FCHO2: variants seen among roughly 807,000 people sequenced by gnomAD.
FCHO2 encodes the protein FCH and mu domain containing endocytic adaptor 2.
In FCHO2, 43 loss-of-function variants were observed where a neutral mutation model predicts 114.1. That is an observed-to-expected ratio of 0.38 (90% confidence interval 0.30 to 0.49). The LOEUF (loss-of-function observed/expected upper bound fraction) is 0.49. FCHO2 is among the 20% of genes least tolerant of loss of function. The pLI, the probability that FCHO2 is intolerant of heterozygous loss-of-function variation, is 0.97. For synonymous variants in FCHO2, 293 were observed against 315.2 expected, an observed-to-expected ratio of 0.93 and a Z score of 0.75; for missense variants, 807 against 950.4, an observed-to-expected ratio of 0.85 and a Z score of 1.98.
At chr5:72,992,844 A>T (rs1355601258) in intron 5 of FCHO2, among the ~76,000 whole-genome samples, 1 of 152,056 alleles carries the variant, frequency 6.6e-6, no homozygotes, top group Non-Finnish European at 1.5e-5. Context: ...CTGCTTGGGG[A>T]TGGGTGAGCA....
rs920926471 is a variant in FCHO2, at chr5:73,089,194, A to T, written c.*1104A>T. ...GTGTGTGAATTTTAAAACAAATTCT[A>T]AAAAAACTATAGTGCTAAATTGGTA... On this transcript the variant is annotated 3_prime_UTR_variant, in exon 26 of 26. Transcript: ENST00000430046. The T allele has an allele frequency of 5.9e-5, 9 of 152,566 alleles. No homozygotes were observed. The highest frequency in any genetic ancestry group is 8.8e-5 in the Non-Finnish European group (6 of 67,994). The allele number at this position is 152,566 out of a possible 1,614,324, so 9.5% of individuals were successfully genotyped here.
chr5:73,011,248 T>G (rs1045414043), intron 6 of FCHO2, among the ~76,000 whole-genome samples: 3 of 152,156 alleles, frequency 2.0e-5, no homozygotes, highest in African/African-American at 7.2e-5. Flanking sequence ...CACTGTAGAT[T>G]TAGGTTACAT....
At chr5:73,034,022 C>G (rs1050501801) in intron 8 of FCHO2, among the ~76,000 whole-genome samples, 1 of 152,100 alleles carries the variant, frequency 6.6e-6, no homozygotes, top group Admixed American at 6.6e-5. Context: ...AAAACTCTTC[C>G]TATTTCCTGT....
intron 11 of FCHO2, among the ~76,000 whole-genome samples, chr5:73,044,802 T>C (rs944418982): frequency 6.6e-6 from 1 of 152,162 alleles, no homozygotes; most frequent in African/African-American, 2.4e-5. Flanking sequence ...TTGCCACCAC[T>C]ACTTTAGCCA....
At chr5:72,960,574 T>C (rs935564128) in intron 1 of FCHO2, among the ~76,000 whole-genome samples, 11 of 152,198 alleles carry the variant, frequency 7.2e-5, no homozygotes, top group African/African-American at 1.9e-4. Flanking sequence ...TAAAAAGATA[T>C]TGATCAGTAT....
At chr5:72,964,558 A>G (rs1392680463) in intron 1 of FCHO2, among the ~76,000 whole-genome samples, 2 of 151,902 alleles carry the variant, frequency 1.3e-5, no homozygotes, top group African/African-American at 2.4e-5. Flanking sequence ...CAAATTTGTA[A>G]AATATTTTTA....
intron 8 of FCHO2, among the ~76,000 whole-genome samples, chr5:73,029,083 CT>C (rs996588933): frequency 6.6e-6 from 1 of 152,120 alleles, no homozygotes; most frequent in Non-Finnish European, 1.5e-5. Flanking sequence ...TATATGTTAT[CT>C]TGTGGTAGTA....
At chr5:73,076,007 TAA>T (rs1742893074) in intron 20 of FCHO2, among the ~76,000 whole-genome samples, 1 of 152,124 alleles carries the variant, frequency 6.6e-6, no homozygotes, top group Non-Finnish European at 1.5e-5. Flanking sequence ...ATCTGAAAAC[TAA>T]GTCTTGATTC....
At chr5:72,998,380 T>C (rs995516327) in intron 5 of FCHO2, among the ~76,000 whole-genome samples, 1 of 151,428 alleles carries the variant, frequency 6.6e-6, no homozygotes, top group African/African-American at 2.4e-5. Context: ...CCAGCTACTC[T>C]GGAGGCTGAG....
chr5:73,013,593 G>A (rs968626076), intron 6 of FCHO2, among the ~76,000 whole-genome samples: 2 of 152,198 alleles, frequency 1.3e-5, no homozygotes, highest in African/African-American at 4.8e-5. Flanking sequence ...AAACAAAAGT[G>A]TTGTAAGGTC....
chr5:72,958,735 T>A (rs1751694319), intron 1 of FCHO2, among the ~76,000 whole-genome samples: 1 of 152,230 alleles, frequency 6.6e-6, no homozygotes, highest in Admixed American at 6.5e-5. Context: ...GCATTAGGTT[T>A]TACAATGGCA....
chr5:73,083,108 T>C (rs944208683), intron 24 of FCHO2, among the ~76,000 whole-genome samples: 6 of 151,984 alleles, frequency 3.9e-5, no homozygotes, highest in African/African-American at 1.4e-4. Context: ...ATGGTCTCGA[T>C]CTCCTGACCT....
chr5:72,965,611 C>T (rs1443483322), intron 1 of FCHO2, among the ~76,000 whole-genome samples: 1 of 152,138 alleles, frequency 6.6e-6, no homozygotes, highest in Non-Finnish European at 1.5e-5. Flanking sequence ...CAGAGTGGCA[C>T]TGGAGAGCTG....
intron 2 of FCHO2, among the ~76,000 whole-genome samples, chr5:72,973,431 G>C (rs1404568165): frequency 1.3e-5 from 2 of 152,096 alleles, no homozygotes; most frequent in African/African-American, 2.4e-5. Context: ...TTAGTCTTGG[G>C]AGAGTGTATG....
chr5:72,996,630 C>T (rs1029690873), intron 5 of FCHO2, among the ~76,000 whole-genome samples: 3 of 151,738 alleles, frequency 2.0e-5, no homozygotes, highest in African/African-American at 2.4e-5. Flanking sequence ...AATCCTAGCC[C>T]GACCTGTCTC....
chr5:73,087,570 T>C lies in FCHO2; in HGVS notation c.2246-19T>C. 6.2e-7 allele frequency: 1 copy of C among 1,612,322 alleles called. No individual in the cohort carries two copies. Among genetic ancestry groups the C allele is most frequent in the African/African-American group, 1.3e-5 (1 of 75,010 alleles). ...AATGTATTTTACCCTGTGTAAGTGC[T>C]TTATTCTTTTCTTTGTAGGTTCTGG... is the stretch of plus-strand genomic sequence containing the variant. On this transcript the variant is annotated intron_variant, in intron 24 of 25. Coordinates refer to ENST00000430046, the MANE Select transcript of FCHO2 (RefSeq NM_138782.3).
intron 24 of FCHO2, among the ~76,000 whole-genome samples, chr5:73,084,654 T>C (rs1743233973): frequency 6.6e-6 from 1 of 152,236 alleles, no homozygotes. Context: ...GAGCATAATA[T>C]AAAACATATC....
At chr5:72,965,693 G>A (rs1752165575) in intron 1 of FCHO2, among the ~76,000 whole-genome samples, 1 of 151,938 alleles carries the variant, frequency 6.6e-6, no homozygotes, top group Non-Finnish European at 1.5e-5. Flanking sequence ...GTTCTTCAAA[G>A]AAAAAAATCT....
At chr5:73,006,355 G>A (rs1754713672) in intron 5 of FCHO2, 90 bp from the exon 6 acceptor site, 2 of 746,684 alleles carry the variant, frequency 2.7e-6, no homozygotes, top group Middle Eastern at 4.2e-4. Context: ...CTCTTAAAAT[G>A]TATTTTAATT....
Sources: allele counts gnomAD v4.1 joint callset (sites outside exome capture counted in the v4.1 genomes callset), GRCh38; gene constraint gnomAD v4.1.1; transcripts MANE v1.5; gene names NCBI Gene and HGNC (gene_info 2026-07-23, HGNC 2026-07-21).